Variants in MED25 observed in about 807,000 individuals in gnomAD.
MED25 encodes mediator complex subunit 25, also known as mediator of RNA polymerase II transcription subunit 25.
In MED25, 62 loss-of-function variants were observed where a neutral mutation model predicts 89.4. That is an observed-to-expected ratio of 0.69 (90% CI 0.57 to 0.86). MED25 has a LOEUF of 0.86. Ranked by LOEUF, MED25 falls within the 40% of genes least tolerant of loss-of-function variation. The probability of loss-of-function intolerance (pLI) is 0.00; values close to 1 mark genes in which losing one functional copy is unlikely to be tolerated. For missense variants in MED25, 905 were observed against 1,005.2 expected, an observed-to-expected ratio of 0.90 and a Z score of 1.35; for synonymous variants, 449 against 427.9, an observed-to-expected ratio of 1.05 and a Z score of -0.61.
At chr19:49,820,762 C>T (rs1198463090) in intron 3 of MED25, among the ~76,000 whole-genome samples, 1 of 152,156 alleles carries the variant, frequency 6.6e-6, no homozygotes, top group Non-Finnish European at 1.5e-5. Context: ...TTTCCTGCCT[C>T]ACCACCACGC....
chr19:49,838,777 C>A, downstream of MED25: 1 of 455,256 alleles, frequency 2.2e-6, no homozygotes, highest in South Asian at 1.6e-5. Context: ...AGAACAGACT[C>A]GAGATGCCAT....
In MED25 at chr19:49,835,951, A is replaced by G; in HGVS notation, c.1965+6A>G. 1 of 1,612,630 alleles carries G rather than the reference A, an allele frequency of 6.2e-7. No individual in the cohort carries two copies. The highest frequency in any genetic ancestry group is 8.5e-7 in the Non-Finnish European group (1 of 1,179,898). ...TCCTCCTCAACCCACCACCGGTGAG[A>G]TGTTGGGGTGGGGTAGCGAGAGTTC... is the stretch of plus-strand genomic sequence containing the variant. On this transcript the variant is annotated splice_donor_region_variant and intron_variant, in intron 16 of 17. Transcript: ENST00000312865. The surrounding 1 kb of genome is among the most constrained non-coding windows in gnomAD (Gnocchi z 6.2).
At chr19:49,837,014 T>C (rs1349071790), downstream of MED25, 9 of 1,280,326 alleles carry the variant, frequency 7.0e-6, no homozygotes, top group Admixed American at 1.7e-4. Context: ...CCCTCAGGAC[T>C]GGGCAGGAGG....
In MED25 at chr19:49,830,921, T is replaced by TCCTCCTGCCCCTGCTCCTG; in HGVS notation, c.1101+42_1101+43insCCCTGCTCCTGCCTCCTGC. The TCCTCCTGCCCCTGCTCCTG allele has an allele frequency of 6.3e-7, 1 of 1,592,238 alleles. No homozygotes were observed. The highest frequency in any genetic ancestry group is 8.5e-7 in the Non-Finnish European group (1 of 1,170,026). ...CTGCACGCCTCCTGCCCCTGCTCCT[T>TCCTCCTGCCCCTGCTCCTG]CCTCCTGCTGTCCACAGCTAGGACA... On this transcript the variant is annotated intron_variant, in intron 9 of 17. Transcript: ENST00000312865. The surrounding 1 kb of genome is among the most constrained non-coding windows in gnomAD (Gnocchi z 4.6).
intron 3 of MED25, among the ~76,000 whole-genome samples, chr19:49,822,866 C>T (rs189824010): frequency 1.3e-5 from 2 of 151,894 alleles, no homozygotes; most frequent in Admixed American, 6.6e-5. Context: ...CCGGGATGGT[C>T]TCGGTCTCCT....
chr19:49,824,083 G>T (rs1486731871), intron 3 of MED25, among the ~76,000 whole-genome samples: 1 of 152,142 alleles, frequency 6.6e-6, no homozygotes, highest in Admixed American at 6.6e-5. Context: ...TGCTCCTCAA[G>T]TGCCTGGCAG....
downstream of MED25, chr19:49,839,519 G>C (rs2074120650): frequency 6.6e-6 from 1 of 152,560 alleles, no homozygotes; most frequent in Non-Finnish European, 1.5e-5. Flanking sequence ...GGTTGTGGAA[G>C]AAATCTGAAC....
At position 49,834,893 on chromosome 19, in the gene MED25, C is replaced by T; in HGVS notation, c.1483-93C>T. ...TAGCAGAAACCTCACCTCACCTTGCCTGTGGGGCCTCTAGAGCCTTCTGGA... is the reference window on the plus strand; with the variant it reads ...TAGCAGAAACCTCACCTCACCTTGCTTGTGGGGCCTCTAGAGCCTTCTGGA... On this transcript the variant is annotated intron_variant, in intron 13 of 17. Coordinates refer to ENST00000312865, the MANE Select transcript of MED25 (RefSeq NM_030973.4). The surrounding 1 kb of genome is among the most constrained non-coding windows in gnomAD (Gnocchi z 4.1). 7.6e-7 allele frequency: 1 copy of T among 1,318,268 alleles called. No individual in the cohort carries two copies. 81.7% of individuals were successfully genotyped at this position (1,318,268 alleles called of 1,614,324 possible).
chr19:49,834,848 C>T lies in MED25; in HGVS notation c.1483-138C>T, dbSNP rs1044776022. ...GTCTCCAGAGCAACCCATAGCACAC[C>T]TGTTCTCCTTAACCTTCTATAGCAG... is the stretch of plus-strand genomic sequence containing the variant. On this transcript the variant is annotated intron_variant, in intron 13 of 17. Transcript: ENST00000312865. The surrounding 1 kb of genome is among the most constrained non-coding windows in gnomAD (Gnocchi z 4.1). 1.4e-5 allele frequency: 12 copies of T among 875,224 alleles called. No homozygotes were observed. Among genetic ancestry groups the T allele is most frequent in the Middle Eastern group, 3.3e-4 (1 of 3,052 alleles). 54.2% of individuals were successfully genotyped at this position (875,224 alleles called of 1,614,324 possible).
chr19:49,824,060 G>A (rs1179356281), intron 3 of MED25, among the ~76,000 whole-genome samples: 1 of 152,162 alleles, frequency 6.6e-6, no homozygotes, highest in Admixed American at 6.5e-5. Context: ...TTGAGGCCCA[G>A]GTCCAAGTCT....
rs779737748 is a variant in MED25 at position 49,830,200 on chromosome 19, C to A, written c.801C>A (p.Pro267=). 6 of 1,606,728 alleles carry A rather than the reference C, an allele frequency of 3.7e-6. No homozygotes were observed. In the South Asian group the frequency reaches 5.5e-5, roughly 15 times the overall value. Residue 267 remains proline, a synonymous_variant, in exon 7 of 18, where the codon CCC becomes CCA. Coordinates refer to ENST00000312865, the MANE Select transcript of MED25 (RefSeq NM_030973.4). The surrounding 1 kb of genome is among the most constrained non-coding windows in gnomAD (Gnocchi z 4.6). ...LSAAPQQPLP[P]VPPQYQVPGN... is the part of the protein sequence containing the mutation. ...CAGCCCCCCAGCAGCCTCTGCCCCC[C>A]GTCCCCCCGCAGTACCAGGTATGGA...
intron 13 of MED25, chr19:49,832,740 G>T: frequency 2.5e-6 from 1 of 405,606 alleles, no homozygotes; most frequent in South Asian, 2.2e-5. Context: ...ACAAGCAGAG[G>T]GGCTTAAAAC....
intron 3 of MED25, 26 bp from the exon 4 acceptor site, chr19:49,828,421 CTG>C (rs746890194): frequency 6.4e-7 from 1 of 1,563,948 alleles, no homozygotes; most frequent in Non-Finnish European, 8.8e-7. Flanking sequence ...GATGGCAACC[CTG>C]GGGGCTGACC....
chr19:49,826,414 G>A (rs2074015981), intron 3 of MED25, among the ~76,000 whole-genome samples: 1 of 152,176 alleles, frequency 6.6e-6, no homozygotes, highest in Admixed American at 6.5e-5. Flanking sequence ...CAGCGCCCGA[G>A]TGCCCTGAGA....
downstream of MED25, among the ~76,000 whole-genome samples, chr19:49,838,016 T>C (rs2074111416): frequency 6.6e-6 from 1 of 152,054 alleles, no homozygotes; most frequent in Admixed American, 6.6e-5. Flanking sequence ...CAGACAGGCT[T>C]GGAGCGCAGG....
In MED25 at chr19:49,836,695, G is replaced by T. The variant is rs779040257; in HGVS notation, c.2147-152G>T. 1.3e-5 allele frequency: 10 copies of T among 748,826 alleles called. No homozygotes were observed. The Admixed American group carries it at 2.0e-4, about 15-fold the overall frequency. 46.4% of individuals were successfully genotyped at this position (748,826 alleles called of 1,614,324 possible). ...TAGTTTTGGAGAAGGGCCCCCAAAG[G>T]CTCATGGGAAACAGCATATTTGTAA... On this transcript the variant is annotated intron_variant, in intron 17 of 17. Transcript: ENST00000312865. The surrounding 1 kb of genome is among the most constrained non-coding windows in gnomAD (Gnocchi z 5.1).
intron 13 of MED25, 139 bp downstream of exon 13, chr19:49,832,554 C>T (rs1249076377): frequency 1.5e-5 from 10 of 683,406 alleles, no homozygotes; most frequent in East Asian, 1.1e-4. Flanking sequence ...TTAGGTTCCT[C>T]GCCTTTCTTC....
downstream of MED25, chr19:49,838,730 A>G (rs1293686853): frequency 4.4e-6 from 2 of 456,790 alleles, no homozygotes; most frequent in Non-Finnish European, 8.8e-6. Flanking sequence ...AAACGCCACT[A>G]TGAATCAAAG....
chr19:49,837,875 C>T (rs971344577), downstream of MED25, among the ~76,000 whole-genome samples: 2 of 152,142 alleles, frequency 1.3e-5, no homozygotes, highest in African/African-American at 4.8e-5. Context: ...GACTGACCTT[C>T]CAGGGCTGTG....
Sources: allele counts gnomAD v4.1 joint callset (sites outside exome capture counted in the v4.1 genomes callset), GRCh38; gene constraint gnomAD v4.1.1; non-coding constraint Gnocchi (gnomAD v3.1); transcripts MANE v1.5; gene names NCBI Gene and HGNC (gene_info 2026-07-23, HGNC 2026-07-21).